MCCC1: variants seen among roughly 807,000 people sequenced by gnomAD.
MCCC1 encodes methylcrotonoyl-CoA carboxylase subunit alpha, mitochondrial.
Under a neutral mutation model 83.8 loss-of-function variants are expected in MCCC1, and 64 were observed. The observed-to-expected ratio is 0.76, with a 90% CI of 0.62 to 0.94. MCCC1 has a LOEUF of 0.94. Ranked by LOEUF, MCCC1 falls within the 40% of genes least tolerant of loss-of-function variation. The pLI, the probability that MCCC1 is intolerant of heterozygous loss-of-function variation, is 0.00. For missense variants in MCCC1, 807 were observed against 904.7 expected (o/e 0.89, Z 1.39); for synonymous variants, 322 against 315.4 (o/e 1.02, Z -0.22).
intron 18 of MCCC1, 85 bp downstream of exon 18, chr3:183,017,181 A>G: frequency 8.4e-7 from 1 of 1,187,710 alleles, no homozygotes; most frequent in Non-Finnish European, 1.3e-6. Flanking sequence ...TTAAGGTGGT[A>G]TTAACTTACA....
intron 4 of MCCC1, among the ~76,000 whole-genome samples, chr3:183,081,764 C>T (rs2108544524): frequency 6.6e-6 from 1 of 152,334 alleles, no homozygotes; most frequent in South Asian, 2.1e-4. Context: ...TAATGCTGTT[C>T]AGGGGCTCTT....
intron 9 of MCCC1, among the ~76,000 whole-genome samples, chr3:183,051,597 T>C (rs926386218): frequency 3.9e-5 from 6 of 152,190 alleles, no homozygotes; most frequent in South Asian, 2.1e-4. Flanking sequence ...GGTGGATACA[T>C]ATCATTATAC....
chr3:183,112,123 A>G (rs748678989), intron 1 of MCCC1, among the ~76,000 whole-genome samples: 2 of 152,180 alleles, frequency 1.3e-5, no homozygotes, highest in African/African-American at 2.4e-5. Context: ...TCTAATACCT[A>G]AAAAGGGCCC....
chr3:183,059,829 C>T (rs1715691419), intron 7 of MCCC1, among the ~76,000 whole-genome samples: 1 of 152,216 alleles, frequency 6.6e-6, no homozygotes, highest in African/African-American at 2.4e-5. Flanking sequence ...ACTCCACTCT[C>T]TTCTTGCATG....
At chr3:183,083,804 T>C (rs1430166155) in intron 4 of MCCC1, among the ~76,000 whole-genome samples, 1 of 152,246 alleles carries the variant, frequency 6.6e-6, no homozygotes, top group African/African-American at 2.4e-5. Flanking sequence ...AGGAAGCTCA[T>C]TGGCCTACAA....
intron 7 of MCCC1, among the ~76,000 whole-genome samples, chr3:183,059,461 T>A (rs1400166353): frequency 6.6e-6 from 1 of 152,256 alleles, no homozygotes; most frequent in Non-Finnish European, 1.5e-5. Flanking sequence ...TTCCTCTTTA[T>A]CCACAAGCTA....
At chr3:183,104,922 G>T (rs930882951) in intron 1 of MCCC1, among the ~76,000 whole-genome samples, 8 of 152,164 alleles carry the variant, frequency 5.3e-5, no homozygotes, top group African/African-American at 1.9e-4. Flanking sequence ...CAAACTCTTT[G>T]ACCTAGCAAA....
chr3:183,088,782 C>T (rs1283662594), intron 3 of MCCC1, among the ~76,000 whole-genome samples: 2 of 152,168 alleles, frequency 1.3e-5, no homozygotes, highest in East Asian at 1.9e-4. Flanking sequence ...TTTCCATTAA[C>T]GGTATGTCTT....
At chr3:183,016,611 C>T (rs564889560) in intron 18 of MCCC1, among the ~76,000 whole-genome samples, 1 of 152,266 alleles carries the variant, frequency 6.6e-6, no homozygotes, top group South Asian at 2.1e-4. Context: ...TCAAATCTCC[C>T]CAGGTGACTG....
rs760412162 is a variant in MCCC1 at position 183,041,650 on chromosome 3, A to C, written c.1184T>G (p.Phe395Cys). ...RIYAEDPSNN[F>C]MPVAGPLVHL... Reference sequence around the variant, plus strand: ...CACTAATGGGCCTGCCACAGGCATGAAGTTATTGCTAGGATCTTCTGCATA... The same window carrying C: ...CACTAATGGGCCTGCCACAGGCATGCAGTTATTGCTAGGATCTTCTGCATA... Residue 395 changes from phenylalanine (F) to cysteine (C), a missense_variant, in exon 11 of 19, where the codon TTC becomes TGC. By Grantham distance (205) the Phe-to-Cys change is radical. Transcript: ENST00000265594. 1 of 1,614,198 alleles carries C rather than the reference A, an allele frequency of 6.2e-7. No individual in the cohort carries two copies. Among genetic ancestry groups the C allele is most frequent in the Non-Finnish European group, 8.5e-7 (1 of 1,180,034 alleles).
chr3:183,061,451 A>AT (rs370069366), intron 7 of MCCC1, among the ~76,000 whole-genome samples: 6 of 151,430 alleles, frequency 4.0e-5, no homozygotes, highest in Middle Eastern at 6.8e-3. Context: ...AACATGAGGG[A>AT]TTTTTTTTTC....
intron 13 of MCCC1, among the ~76,000 whole-genome samples, chr3:183,036,093 A>T (rs1713564659): frequency 6.6e-6 from 1 of 151,274 alleles, no homozygotes; most frequent in Non-Finnish European, 1.5e-5. Flanking sequence ...TTAAAGGCAG[A>T]ACTTTCTAAT....
At chr3:183,025,826 A>G (rs753150029) in intron 14 of MCCC1, 22 bp from the exon 15 acceptor site, 1 of 1,597,394 alleles carries the variant, frequency 6.3e-7, no homozygotes, top group Non-Finnish European at 8.6e-7. Flanking sequence ...AAGGGAAAAA[A>G]TGAAGAAAAA....
rs551017373 is a variant in MCCC1, at chr3:183,110,636, C to T, written c.-102+4838G>A. ...GTCTCGATCTCCTGACCCCATGATC[C>T]GCCCACCTCAGCCTCCCAGAGTGAT... On this transcript the variant is annotated intron_variant, in intron 1 of 17. Coordinates refer to the MCCC1 transcript ENST00000492597. Among the ~76,000 whole-genome samples the T allele has an allele frequency of 2.0e-4, 31 of 152,012 alleles. No homozygotes were observed. In the Middle Eastern group the frequency reaches 0.017, roughly 84 times the overall value.
rs73053923 is a variant in MCCC1 at position 183,077,272 on chromosome 3, G to C, written c.370-4785C>G. On this transcript the variant is annotated intron_variant, in intron 4 of 18. Coordinates refer to ENST00000265594, the MANE Select transcript of MCCC1 (RefSeq NM_020166.5). Reference sequence around the variant, plus strand: ...ATATACTGAAGAAGTAGAGTTACTAGTTCATAAAGTAACTCTATGTTTAAC... The same window carrying C: ...ATATACTGAAGAAGTAGAGTTACTACTTCATAAAGTAACTCTATGTTTAAC... Among the ~76,000 whole-genome samples the C allele has an allele frequency of 4.7e-3, 709 of 152,222 alleles. 5 individuals carry two copies. The highest frequency in any genetic ancestry group is 0.016 in the African/African-American group (674 of 41,524).
chr3:183,028,361 G>C (rs544509320), intron 14 of MCCC1, among the ~76,000 whole-genome samples: 53 of 152,306 alleles, frequency 3.5e-4, no homozygotes, highest in African/African-American at 1.1e-3. Flanking sequence ...CTCTGATGGA[G>C]ACATACAAGG....
At chr3:183,033,943 G>A in intron 14 of MCCC1, 48 bp downstream of exon 14, 1 of 1,391,572 alleles carries the variant, frequency 7.2e-7, no homozygotes, top group East Asian at 2.3e-5. Context: ...AGATTAATGT[G>A]ATACATTTCT....
At chr3:183,072,744 T>C (rs1267023195) in intron 4 of MCCC1, among the ~76,000 whole-genome samples, 1 of 152,238 alleles carries the variant, frequency 6.6e-6, no homozygotes, top group Non-Finnish European at 1.5e-5. Flanking sequence ...TTTAGTTACT[T>C]GCAAGTATGT....
chr3:183,029,977 G>A (rs963139035), intron 14 of MCCC1, among the ~76,000 whole-genome samples: 6 of 152,182 alleles, frequency 3.9e-5, no homozygotes, highest in East Asian at 3.9e-4. Flanking sequence ...CTCCATGGAC[G>A]GCCTGATGCT....
Sources: gnomAD v4.1 joint callset for allele counts (sites outside exome capture counted in the v4.1 genomes callset) on GRCh38, gnomAD v4.1.1 for gene constraint, MANE v1.5 for transcripts, NCBI Gene and HGNC (gene_info 2026-07-23, HGNC 2026-07-21) for gene names.